Variants in C2CD3 observed in about 807,000 individuals in gnomAD.
C2CD3 encodes the protein C2 domain containing 3 centriole elongation regulator, also known as C2 domain-containing protein 3.
C2CD3 carries 148 observed loss-of-function variants against 234.0 expected under a neutral mutation model. The observed-to-expected ratio is 0.63, with a 90% CI of 0.55 to 0.72. The LOEUF (loss-of-function observed/expected upper bound fraction) is 0.72, where lower values mean the gene tolerates loss of function less well. C2CD3 is among the 30% of genes least tolerant of loss of function. The pLI is 0.00. For missense variants in C2CD3, 2,577 were observed against 2,811.5 expected (o/e 0.92, Z 1.89); for synonymous variants, 1,000 against 1,035.4 (o/e 0.97, Z 0.66).
At chr11:74,073,624 C>T (rs942010293) in intron 24 of C2CD3, among the ~76,000 whole-genome samples, 2 of 150,376 alleles carry the variant, frequency 1.3e-5, no homozygotes, top group African/African-American at 2.4e-5. Context: ...AACAAAAAAA[C>T]CCCCCTAACT....
At chr11:74,073,983 A>G (rs528077332) in intron 24 of C2CD3, among the ~76,000 whole-genome samples, 2 of 152,320 alleles carry the variant, frequency 1.3e-5, no homozygotes, top group East Asian at 3.9e-4. Flanking sequence ...GAAATTTAAT[A>G]AAGAACAAGT....
intron 11 of C2CD3, 75 bp from the exon 12 acceptor site, chr11:74,109,227 A>T: frequency 1.4e-6 from 1 of 714,266 alleles, no homozygotes; most frequent in East Asian, 2.9e-5. Flanking sequence ...CCTTGATACC[A>T]CCTGCCTCCC....
At chr11:74,149,803 C>A (rs983492811) in intron 3 of C2CD3, among the ~76,000 whole-genome samples, 1 of 152,122 alleles carries the variant, frequency 6.6e-6, no homozygotes, top group Non-Finnish European at 1.5e-5. Flanking sequence ...GAAAGTCCCT[C>A]AGCTGCTTTG....
At chr11:74,078,085 T>C in intron 23 of C2CD3, 30 bp downstream of exon 23, 1 of 1,595,578 alleles carries the variant, frequency 6.3e-7, no homozygotes, top group African/African-American at 1.3e-5. Context: ...GTGCTCAAAC[T>C]ACAAGAGTTG....
chr11:74,158,791 C>T (rs756127216), intron 3 of C2CD3, among the ~76,000 whole-genome samples: 5 of 151,130 alleles, frequency 3.3e-5, no homozygotes, highest in East Asian at 1.9e-4. Flanking sequence ...CAAATCAAAA[C>T]GACAATGAGA....
intron 32 of C2CD3, among the ~76,000 whole-genome samples, chr11:74,025,789 G>C (rs1952270377): frequency 6.6e-6 from 1 of 152,098 alleles, no homozygotes; most frequent in East Asian, 1.9e-4. Flanking sequence ...ATCCTATTAG[G>C]TATGAATTAT....
chr11:74,084,440 AAAAAAAGAAAAAG>A (rs1955547596), intron 22 of C2CD3, among the ~76,000 whole-genome samples: 1 of 151,932 alleles, frequency 6.6e-6, no homozygotes, highest in African/African-American at 2.4e-5. Flanking sequence ...AATAAAAAAA[AAAAAAAGAAAAAG>A]AAAAAAGAAA....
intron 2 of C2CD3, among the ~76,000 whole-genome samples, chr11:74,165,485 T>C (rs1856745863): frequency 6.6e-6 from 1 of 152,216 alleles, no homozygotes; most frequent in Admixed American, 6.5e-5. Context: ...ATTAGTTTAC[T>C]TTTTGCATTT....
intron 24 of C2CD3, chr11:74,070,497 G>T (rs896955226): frequency 6.6e-6 from 1 of 152,076 alleles, no homozygotes; most frequent in East Asian, 1.9e-4. Context: ...TAGAATCATG[G>T]TCTCCTACCA....
chr11:74,134,019 A>G (rs569456184), intron 5 of C2CD3, among the ~76,000 whole-genome samples: 24 of 152,320 alleles, frequency 1.6e-4, no homozygotes, highest in African/African-American at 5.8e-4. Flanking sequence ...ACTTTCTGAT[A>G]GGTAAAATTT....
At position 74,048,255 on chromosome 11, in the gene C2CD3, G is replaced by C. The variant is rs768563862; in HGVS notation, c.5445C>G (p.Asp1815Glu). 4.3e-6 allele frequency: 7 copies of C among 1,613,596 alleles called. No individual in the cohort carries two copies. In the South Asian group the frequency reaches 7.7e-5, roughly 18 times the overall value. ...FSSHMARQTL[D>E]QLAHASSKEL... is the part of the protein sequence containing the mutation. The stretch of plus-strand genomic sequence containing the variant: ...CCTTTGAGGAGGCATGAGCAAGTTG[G>C]TCTAGGGTCTGCCTTGCCATGTGGC... The change falls in exon 28 of 33, where the codon GAC becomes GAG. Residue 1815 changes from aspartate (D) to glutamate (E), a missense_variant. Physicochemically the swap from Asp to Glu is conservative, Grantham distance 45. Transcript: ENST00000334126.
chr11:74,168,636 T>G, intron 1 of C2CD3, 23 bp from the exon 2 acceptor site: 1 of 1,595,754 alleles, frequency 6.3e-7, no homozygotes, highest in Non-Finnish European at 8.5e-7. Flanking sequence ...CCAAGAAAAC[T>G]GAGTCAAAAT....
intron 28 of C2CD3, among the ~76,000 whole-genome samples, chr11:74,047,346 G>C (rs1953430982): frequency 6.6e-6 from 1 of 152,174 alleles, no homozygotes; most frequent in South Asian, 2.1e-4. Context: ...ATTACTAAAG[G>C]GTGGGCATTA....
intron 32 of C2CD3, among the ~76,000 whole-genome samples, chr11:74,019,973 G>C (rs528476796): frequency 6.6e-6 from 1 of 152,338 alleles, no homozygotes; most frequent in African/African-American, 2.4e-5. Flanking sequence ...GTACAAGTGA[G>C]AACATCGGGT....
intron 2 of C2CD3, among the ~76,000 whole-genome samples, chr11:74,163,782 T>A (rs1856627976): frequency 6.6e-6 from 1 of 152,140 alleles, no homozygotes; most frequent in Non-Finnish European, 1.5e-5. Flanking sequence ...ACACCACTCA[T>A]GGGGGTTATC....
chr11:74,112,989 G>A (rs563422969), intron 11 of C2CD3, among the ~76,000 whole-genome samples: 51 of 152,226 alleles, frequency 3.4e-4, no homozygotes, highest in African/African-American at 1.2e-3. Context: ...ACAAAACCAC[G>A]TACACAAATG....
intron 5 of C2CD3, among the ~76,000 whole-genome samples, chr11:74,137,098 G>A (rs1359513092): frequency 6.7e-6 from 1 of 150,252 alleles, no homozygotes; most frequent in African/African-American, 2.5e-5. Flanking sequence ...CTAGGCTCAA[G>A]TGATCCTCTT....
At position 74,109,123 on chromosome 11, in the gene C2CD3, G is replaced by A. The variant is rs751113621; in HGVS notation, c.1873C>T (p.Pro625Ser). The change falls in exon 12 of 33, where the codon CCA becomes TCA. Residue 625 changes from proline (P) to serine (S), a missense_variant. By Grantham distance (74) the Pro-to-Ser change is moderately conservative. Transcript: ENST00000334126. ...KVKFQQRFVF[P>S]VQFGGPMIEH... ...ATCATTGGGCCACCAAACTGTACTG[G>A]AAACACAAATCGCTGCTGGAACTTC... 9.4e-6 allele frequency: 15 copies of A among 1,589,584 alleles called. No homozygotes were observed. Among genetic ancestry groups the A allele is most frequent in the East Asian group, 7.1e-5 (3 of 41,978 alleles).
intron 3 of C2CD3, among the ~76,000 whole-genome samples, chr11:74,153,040 C>A (rs1016256971): frequency 6.6e-6 from 1 of 152,124 alleles, no homozygotes; most frequent in Non-Finnish European, 1.5e-5. Flanking sequence ...AGCCAGCCAA[C>A]ATAGCGAAAC....
Sources: allele counts gnomAD v4.1 joint callset (sites outside exome capture counted in the v4.1 genomes callset), GRCh38; gene constraint gnomAD v4.1.1; transcripts MANE v1.5; gene names NCBI Gene and HGNC (gene_info 2026-07-23, HGNC 2026-07-21).